VEGFD: variants seen among roughly 807,000 people sequenced by gnomAD.
The protein encoded by VEGFD is c-fos induced growth factor (vascular endothelial growth factor D).
VEGFD carries 26 observed loss-of-function variants against 28.0 expected under a neutral mutation model. That is an observed-to-expected ratio of 0.93 (90% CI 0.68 to 1.29). The LOEUF (loss-of-function observed/expected upper bound fraction) is 1.29, where lower values mean the gene tolerates loss of function less well. VEGFD is among the 50% of genes most tolerant of loss of function. The pLI is 0.00. For missense variants in VEGFD, 294 were observed against 273.4 expected (o/e 1.08, Z -0.53); for synonymous variants, 93 against 95.5 (o/e 0.97, Z 0.15).
chrX:15,371,173 A>G (rs761043052), intron 1 of VEGFD, among the ~76,000 whole-genome samples: 8 of 111,869 alleles, frequency 7.2e-5, no homozygotes, highest in Non-Finnish European at 1.1e-4. Flanking sequence ...GGTTTAAAGC[A>G]GGGGTTCACA....
Sources: gnomAD v4.1 joint callset for allele counts (sites outside exome capture counted in the v4.1 genomes callset) on GRCh38, gnomAD v4.1.1 for gene constraint, MANE v1.5 for transcripts, NCBI Gene and HGNC (gene_info 2026-07-23, HGNC 2026-07-21) for gene names.